POU6F2: variants seen among roughly 807,000 people sequenced by gnomAD.
POU6F2 encodes POU domain, class 6, transcription factor 2.
Under a neutral mutation model 71.3 loss-of-function variants are expected in POU6F2, and 31 were observed. The ratio of observed to expected loss-of-function variants is 0.43; its 90% confidence interval spans 0.33 to 0.59. The LOEUF is 0.59. Ranked by LOEUF, POU6F2 falls within the 20% of genes least tolerant of loss-of-function variation. The pLI is 0.04. For missense variants in POU6F2, 783 were observed against 856.8 expected, an observed-to-expected ratio of 0.91 and a Z score of 1.07; for synonymous variants, 347 against 355.7, an observed-to-expected ratio of 0.98 and a Z score of 0.27.
intron 4 of POU6F2, among the ~76,000 whole-genome samples, chr7:39,325,712 T>C (rs1416556740): frequency 6.6e-6 from 1 of 152,176 alleles, no homozygotes; most frequent in East Asian, 1.9e-4. Flanking sequence ...GTGTCTATAG[T>C]CTAAAAGAAA....
At position 39,460,217 on chromosome 7, in the gene POU6F2, G is replaced by A. The variant is rs1788913182; in HGVS notation, c.1490-330G>A. 6.6e-6 allele frequency among the ~76,000 whole-genome samples: 1 copy of A among 152,150 alleles called. No homozygotes were observed. Among genetic ancestry groups the A allele is most frequent in the Non-Finnish European group, 1.5e-5 (1 of 68,016 alleles). ...TTTGAACATACTTATGGGCAAAATG[G>A]AGTCGCATTCCCATAGCAAGTGCCT... On this transcript the variant is annotated intron_variant, in intron 8 of 9. Coordinates refer to ENST00000518318, the MANE Select transcript of POU6F2 (RefSeq NM_001370959.1). The surrounding 1 kb of genome is among the most constrained non-coding windows in gnomAD (Gnocchi z 4.4).
At chr7:39,228,894 G>A (rs1025168096) in intron 4 of POU6F2, among the ~76,000 whole-genome samples, 3 of 152,154 alleles carry the variant, frequency 2.0e-5, no homozygotes, top group Non-Finnish European at 4.4e-5. Flanking sequence ...GCTGTTCTGG[G>A]AATGTCTTTC....
intron 4 of POU6F2, among the ~76,000 whole-genome samples, chr7:39,305,214 G>T (rs1785027508): frequency 6.6e-6 from 1 of 152,138 alleles, no homozygotes. Context: ...TACTTAAGAA[G>T]GTATCATTTC....
chr7:39,436,429 A>G lies in POU6F2; in HGVS notation c.1320+3146A>G, dbSNP rs538196037. On this transcript the variant is annotated intron_variant, in intron 7 of 9. Coordinates refer to ENST00000518318, the MANE Select transcript of POU6F2 (RefSeq NM_001370959.1). ...TCATGATTTGGCTCTCTGCTTGTCT[A>G]TTGTTTGTGTAAAAGAATGCTTGTA... Among the ~76,000 whole-genome samples the G allele has an allele frequency of 4.3e-4, 65 of 151,532 alleles. No homozygotes were observed. The South Asian group carries it at 0.011, about 25-fold the overall frequency.
At chr7:39,140,419 A>G (rs1036676693) in intron 2 of POU6F2, among the ~76,000 whole-genome samples, 16 of 152,326 alleles carry the variant, frequency 1.1e-4, no homozygotes, top group Middle Eastern at 3.4e-3. Flanking sequence ...ACAGAAATTT[A>G]TTCTTTCACA....
chr7:39,174,066 C>G (rs1456944615), intron 2 of POU6F2, among the ~76,000 whole-genome samples: 1 of 152,236 alleles, frequency 6.6e-6, no homozygotes, highest in Admixed American at 6.5e-5. Context: ...CTCAGTGGTT[C>G]TGCCATAGGA....
At chr7:39,110,024 AC>A (rs1196163871) in intron 2 of POU6F2, among the ~76,000 whole-genome samples, 3 of 152,178 alleles carry the variant, frequency 2.0e-5, no homozygotes, top group Admixed American at 6.5e-5. Context: ...TAATCCCAGC[AC>A]TTTGGGAGGC....
Position 39,406,669 on chromosome 7 carries a change from C to A in POU6F2, c.1042C>A (p.Gln348Lys). ...AGCCATGAGCTCCATAGCAAGCTCA[C>A]AGGCCTTTGGCAATGCCCTCTCCAG... is the stretch of plus-strand genomic sequence containing the variant. ...AAAMSSIASS[Q>K]AFGNALSSLQ... is the part of the protein sequence containing the mutation. The change falls in exon 6 of 10, where the codon CAG (glutamine) becomes AAG (lysine). Residue 348 changes from glutamine (Q) to lysine (K), a missense_variant. By Grantham distance (53) the Gln-to-Lys change is moderately conservative. This residue lies in a region of POU6F2 where 572 missense variants were observed against 572.9 expected (regional missense o/e 1.00). Transcript: ENST00000518318. 4 of 1,613,812 alleles carry A rather than the reference C, an allele frequency of 2.5e-6. No homozygotes were observed. Among genetic ancestry groups the A allele is most frequent in the East Asian group, 2.2e-5 (1 of 44,886 alleles).
intron 1 of POU6F2, among the ~76,000 whole-genome samples, chr7:38,978,431 A>G (rs1788233619): frequency 6.6e-6 from 1 of 152,104 alleles, no homozygotes; most frequent in South Asian, 2.1e-4. Flanking sequence ...AGTAGTTAAT[A>G]TTTTTCTAAT....
chr7:39,075,295 G>T (rs1790975448), intron 1 of POU6F2, among the ~76,000 whole-genome samples: 1 of 152,116 alleles, frequency 6.6e-6, no homozygotes. Flanking sequence ...CTCCAAATGG[G>T]GAGGGCCTGG....
chr7:39,102,521 A>G (rs1791595550), intron 2 of POU6F2, among the ~76,000 whole-genome samples: 1 of 152,112 alleles, frequency 6.6e-6, no homozygotes, highest in African/African-American at 2.4e-5. Flanking sequence ...TCTGAATTCG[A>G]TGTTTCTGGA....
chr7:39,396,689 C>A (rs1214718719), intron 5 of POU6F2, among the ~76,000 whole-genome samples: 1 of 152,140 alleles, frequency 6.6e-6, no homozygotes, highest in Non-Finnish European at 1.5e-5. Flanking sequence ...ATCCCACCTC[C>A]TTAACTGATG....
At chr7:39,154,722 T>C (rs867369836) in intron 2 of POU6F2, among the ~76,000 whole-genome samples, 3 of 151,922 alleles carry the variant, frequency 2.0e-5, no homozygotes, top group Non-Finnish European at 2.9e-5. Flanking sequence ...CCTAGCCAAG[T>C]TGAAAAAAAG....
intron 5 of POU6F2, among the ~76,000 whole-genome samples, chr7:39,345,372 G>A (rs1353877714): frequency 6.6e-6 from 1 of 152,148 alleles, no homozygotes; most frequent in Non-Finnish European, 1.5e-5. Flanking sequence ...TCTGTCCATT[G>A]TAAATTTCGG....
chr7:39,331,489 C>T (rs186734930), intron 4 of POU6F2, among the ~76,000 whole-genome samples: 11 of 151,214 alleles, frequency 7.3e-5, no homozygotes, highest in Admixed American at 6.6e-4. Context: ...TATCTCACTC[C>T]GGTTTTGTTT....
chr7:39,219,689 A>G (rs183205514), intron 4 of POU6F2, among the ~76,000 whole-genome samples: 3 of 152,290 alleles, frequency 2.0e-5, no homozygotes, highest in South Asian at 2.1e-4. Flanking sequence ...TCTCCTCCCA[A>G]CTGTGCTTAC....
At chr7:39,080,811 C>T (rs1782235771) in intron 1 of POU6F2, among the ~76,000 whole-genome samples, 1 of 152,174 alleles carries the variant, frequency 6.6e-6, no homozygotes, top group Non-Finnish European at 1.5e-5. Context: ...GGATGCTTTG[C>T]TGAGTTAATT....
At chr7:38,991,937 C>T (rs1280253442) in intron 1 of POU6F2, among the ~76,000 whole-genome samples, 2 of 151,944 alleles carry the variant, frequency 1.3e-5, no homozygotes, top group East Asian at 1.9e-4. Flanking sequence ...CCCTCCTTCC[C>T]TTCTCTACAA....
intron 1 of POU6F2, among the ~76,000 whole-genome samples, chr7:39,012,853 G>A (rs1315418227): frequency 9.2e-5 from 14 of 152,118 alleles, no homozygotes; most frequent in South Asian, 2.1e-4. Flanking sequence ...CAGGGGTCAG[G>A]GACCCACTTG....
Sources: allele counts gnomAD v4.1 joint callset (sites outside exome capture counted in the v4.1 genomes callset), GRCh38; gene constraint gnomAD v4.1.1; regional missense constraint gnomAD v4.1.1; non-coding constraint Gnocchi (gnomAD v3.1); transcripts MANE v1.5; gene names NCBI Gene and HGNC (gene_info 2026-07-23, HGNC 2026-07-21).